Variants in PKHD1L1 observed in about 807,000 individuals in gnomAD.
The protein encoded by PKHD1L1 is fibrocystin-L.
In PKHD1L1, 434 loss-of-function variants were observed where a neutral mutation model predicts 462.9. The ratio of observed to expected loss-of-function variants is 0.94; its 90% CI spans 0.87 to 1.02. The LOEUF (loss-of-function observed/expected upper bound fraction) is 1.02, where lower values mean the gene tolerates loss of function less well. PKHD1L1 is among the 50% of genes least tolerant of loss of function. The pLI is 0.00. For synonymous variants in PKHD1L1, 1,781 were observed against 1,750.0 expected (o/e 1.02, Z -0.44); for missense variants, 5,202 against 5,096.1 (o/e 1.02, Z -0.63).
Position 109,396,058 on chromosome 8 carries a change from C to T in PKHD1L1, c.843C>T (p.Ser281=), listed in dbSNP as rs1812956727. The part of the protein sequence containing the change: ...EVTMIFPSQG[S]IRGGTTLTIS... ...CCATGATTTTCCCTTCACAAGGAAGCATTCGAGGTGGCACCACGCTGACAA... is the reference window on the plus strand; with the variant it reads ...CCATGATTTTCCCTTCACAAGGAAGTATTCGAGGTGGCACCACGCTGACAA... Residue 281 remains serine (S), a synonymous_variant, in exon 11 of 78, where the codon AGC becomes AGT. Coordinates refer to ENST00000378402, the MANE Select transcript of PKHD1L1 (RefSeq NM_177531.6). 2 of 1,606,144 alleles carry T rather than the reference C, an allele frequency of 1.2e-6. No homozygotes were observed. Among genetic ancestry groups the T allele is most frequent in the South Asian group, 1.1e-5 (1 of 88,820 alleles).
intron 70 of PKHD1L1, among the ~76,000 whole-genome samples, chr8:109,509,204 GT>G (rs1452817893): frequency 6.6e-6 from 1 of 151,986 alleles, no homozygotes; most frequent in Non-Finnish European, 1.5e-5. Context: ...GCTATGCCTG[GT>G]TTCTGTGACC....
At chr8:109,524,431 C>A (rs1563639875) in intron 76 of PKHD1L1, among the ~76,000 whole-genome samples, 1 of 152,116 alleles carries the variant, frequency 6.6e-6, no homozygotes, top group Non-Finnish European at 1.5e-5. Context: ...TAACTATCAG[C>A]CCAAATGGAA....
At chr8:109,454,283 C>T (rs1247224686) in intron 44 of PKHD1L1, 37 bp downstream of exon 44, 1 of 1,408,346 alleles carries the variant, frequency 7.1e-7, no homozygotes, top group Admixed American at 2.0e-5. Flanking sequence ...CATTTCCAAC[C>T]TGTCTCCATT....
intron 5 of PKHD1L1, 40 bp downstream of exon 5, chr8:109,384,167 G>A (rs765212786): frequency 7.3e-7 from 1 of 1,376,028 alleles, no homozygotes; most frequent in Non-Finnish European, 1.0e-6. Flanking sequence ...TGGTTTCATG[G>A]TAAATAATGT....
Position 109,364,634 on chromosome 8 carries a change from A to T in PKHD1L1, c.161A>T (p.Glu54Val). ...GCAACAAGGCTGACTATAAGAGGGGAAGGTATCGTTGCTTTTTTTTTTTTT... is the reference window on the plus strand; with the variant it reads ...GCAACAAGGCTGACTATAAGAGGGGTAGGTATCGTTGCTTTTTTTTTTTTT... ...NGATRLTIRGEGFSQANQFNY... is the reference protein window; with the variant it reads ...NGATRLTIRGVGFSQANQFNY... The change falls in exon 2 of 78, where the codon GAA (glutamate) becomes GTA (valine). Residue 54 changes from glutamate to valine, a missense_variant and splice_region_variant. Physicochemically the swap from Glu to Val is moderately radical, Grantham distance 121. Coordinates refer to ENST00000378402, the MANE Select transcript of PKHD1L1 (RefSeq NM_177531.6). 1 of 1,482,714 alleles carries T rather than the reference A, an allele frequency of 6.7e-7. No homozygotes were observed. Among genetic ancestry groups the T allele is most frequent in the Non-Finnish European group, 9.2e-7 (1 of 1,092,068 alleles). 91.8% of individuals were successfully genotyped at this position (1,482,714 alleles called of 1,614,324 possible).
At chr8:109,398,592 A>G (rs373528648) in intron 12 of PKHD1L1, 44 bp downstream of exon 12, 1 of 876,588 alleles carries the variant, frequency 1.1e-6, no homozygotes, top group Non-Finnish European at 1.7e-6. Context: ...TATTCACATA[A>G]AAAGAATATA....
At chr8:109,495,329 A>G (rs566386229) in intron 63 of PKHD1L1, among the ~76,000 whole-genome samples, 2 of 152,238 alleles carry the variant, frequency 1.3e-5, no homozygotes, top group Non-Finnish European at 2.9e-5. Flanking sequence ...ATTTTTCAAC[A>G]TCAAAATATC....
At chr8:109,418,697 G>A (rs1213493820) in intron 21 of PKHD1L1, among the ~76,000 whole-genome samples, 3 of 152,166 alleles carry the variant, frequency 2.0e-5, no homozygotes, top group Admixed American at 6.5e-5. Flanking sequence ...TTGCTTCTTA[G>A]CAGCGGACTG....
chr8:109,451,225 G>A (rs1032285921), intron 41 of PKHD1L1, 76 bp downstream of exon 41: 80 of 1,428,174 alleles, frequency 5.6e-5, no homozygotes, highest in Middle Eastern at 2.6e-4. Flanking sequence ...TCCTATGCCC[G>A]GACAGTGCAG....
Position 109,406,405 on chromosome 8 carries a change from G to A in PKHD1L1, c.1740G>A (p.Pro580=), listed in dbSNP as rs756695129. The A allele has an allele frequency of 2.2e-5, 35 of 1,583,938 alleles. No individual in the cohort carries two copies. The highest frequency in any genetic ancestry group is 1.2e-4 in the South Asian group (10 of 86,456). ...TGAATGACCTCTGGTCTATAAAACCGGACACAGTTCAAGTAATAAGAACAC... is the reference window on the plus strand; with the variant it reads ...TGAATGACCTCTGGTCTATAAAACCAGACACAGTTCAAGTAATAAGAACAC... The part of the protein sequence containing the change: ...SALNDLWSIK[P]DTVQVIRTQN... The change falls in exon 17 of 78, where the codon CCG becomes CCA. Residue 580 remains proline, a synonymous_variant. Coordinates refer to ENST00000378402, the MANE Select transcript of PKHD1L1 (RefSeq NM_177531.6).
chr8:109,381,467 T>C lies in PKHD1L1; in HGVS notation c.261T>C (p.Asp87=). ...CTTCTTTCCAGTCAATTACTTGTGA[T>C]GTAGAAAAAGATGCAAGTCATTCAA... ...LISSFQSITC[D]VEKDASHSTQ... Residue 87 remains aspartate, a synonymous_variant, in exon 3 of 78, where the codon GAT becomes GAC. Coordinates refer to ENST00000378402, the MANE Select transcript of PKHD1L1 (RefSeq NM_177531.6). 1 of 1,584,636 alleles carries C rather than the reference T, an allele frequency of 6.3e-7. No individual in the cohort carries two copies. The highest frequency in any genetic ancestry group is 8.6e-7 in the Non-Finnish European group (1 of 1,162,934).
chr8:109,385,515 TGGGG>T lies in PKHD1L1; in HGVS notation c.476-21_476-18del. 1 of 1,477,572 alleles carries T rather than the reference TGGGG, an allele frequency of 6.8e-7. No individual in the cohort carries two copies. The highest frequency in any genetic ancestry group is 1.9e-5 in the Admixed American group (1 of 52,386). The allele number at this position is 1,477,572 out of a possible 1,614,324, so 91.5% of individuals were successfully genotyped here. A position where few individuals can be genotyped will look rare whatever the true frequency, so the allele number is the denominator to read the frequency against. On this transcript the variant is annotated intron_variant, in intron 5 of 77. Transcript: ENST00000378402. ...TAGATTTTCTTACACAGAATCTTTT[TGGGG>T]TTTTTGTTTGTTTTCAGGTACACTA...
intron 12 of PKHD1L1, among the ~76,000 whole-genome samples, chr8:109,399,553 G>A (rs1246021477): frequency 1.3e-5 from 2 of 152,112 alleles, no homozygotes; most frequent in Admixed American, 1.3e-4. Flanking sequence ...AAATCCTAGA[G>A]TAGAAGTAAT....
intron 52 of PKHD1L1, 74 bp downstream of exon 52, chr8:109,476,741 C>A: frequency 7.3e-7 from 1 of 1,374,268 alleles, no homozygotes; most frequent in Admixed American, 2.5e-5. Context: ...GCTTAATAAG[C>A]AAATGTGTTG....
rs1446123357 is a variant in PKHD1L1, at chr8:109,444,903, C to A, written c.5034C>A (p.Thr1678=). 1.2e-6 allele frequency: 2 copies of A among 1,613,976 alleles called. No homozygotes were observed. The highest frequency in any genetic ancestry group is 1.7e-6 in the Non-Finnish European group (2 of 1,179,876). Residue 1678 remains threonine, a synonymous_variant, in exon 38 of 78, where the codon ACC becomes ACA. Transcript: ENST00000378402. ...AGSTTGMTSV[T]IKGSGFAVSS... ...CAACTACAGGAATGACAAGCGTGACCATAAAAGGCTCTGGATTTGCCGTTT... is the reference window on the plus strand; with the variant it reads ...CAACTACAGGAATGACAAGCGTGACAATAAAAGGCTCTGGATTTGCCGTTT...
In PKHD1L1 at chr8:109,425,071, AT is replaced by A; in HGVS notation, c.2698-10del. On this transcript the variant is annotated splice_polypyrimidine_tract_variant and intron_variant, in intron 23 of 77. Coordinates refer to ENST00000378402, the MANE Select transcript of PKHD1L1 (RefSeq NM_177531.6). ...AAGTTTAATCATTTTATCAATATTT[AT>A]TTTGGAAATTAGATAATCACACATG... 6.5e-7 allele frequency: 1 copy of A among 1,545,284 alleles called. No individual in the cohort carries two copies. Among genetic ancestry groups the A allele is most frequent in the East Asian group, 2.4e-5 (1 of 42,386 alleles).
chr8:109,437,201 A>C (rs896164857), intron 30 of PKHD1L1, among the ~76,000 whole-genome samples: 1 of 152,178 alleles, frequency 6.6e-6, no homozygotes, highest in Non-Finnish European at 1.5e-5. Context: ...GACGTGAGCC[A>C]CCACGCCTGG....
chr8:109,459,839 A>G lies in PKHD1L1; in HGVS notation c.7246+3A>G. 6.2e-7 allele frequency: 1 copy of G among 1,606,898 alleles called. No homozygotes were observed. The highest frequency in any genetic ancestry group is 8.5e-7 in the Non-Finnish European group (1 of 1,175,970). On this transcript the variant is annotated splice_donor_region_variant and intron_variant, in intron 47 of 77. Coordinates refer to ENST00000378402, the MANE Select transcript of PKHD1L1 (RefSeq NM_177531.6). ...ATGTCCTGATGGATTTGACACAGGTAATTTTAGCAGCTCTCGTGGTTGGTA... is the reference window on the plus strand; with the variant it reads ...ATGTCCTGATGGATTTGACACAGGTGATTTTAGCAGCTCTCGTGGTTGGTA...
chr8:109,436,556 ATTTAC>A (rs1410219070), intron 30 of PKHD1L1, 97 bp downstream of exon 30: 1 of 1,525,326 alleles, frequency 6.6e-7, no homozygotes, highest in African/African-American at 1.4e-5. Flanking sequence ...CAAGTGGTGT[ATTTAC>A]TTAGGAACTG....
Sources: allele counts gnomAD v4.1 joint callset (sites outside exome capture counted in the v4.1 genomes callset), GRCh38; gene constraint gnomAD v4.1.1; transcripts MANE v1.5; gene names NCBI Gene and HGNC (gene_info 2026-07-23, HGNC 2026-07-21).